The following TMEM260 variants were observed in gnomAD, a reference collection of about 807,000 sequenced individuals.
TMEM260 encodes the protein transmembrane protein 260, also known as protein O-mannosyl-transferase TMEM260.
In TMEM260, 82 loss-of-function variants were observed where a neutral mutation model predicts 88.9. The observed-to-expected ratio is 0.92, with a 90% CI of 0.77 to 1.11. The LOEUF is 1.11. TMEM260 is among the 50% of genes least tolerant of loss of function. TMEM260 has a pLI of 0.00. For synonymous variants in TMEM260, 314 were observed against 309.3 expected, an observed-to-expected ratio of 1.02 and a Z score of -0.16; for missense variants, 902 against 853.4, an observed-to-expected ratio of 1.06 and a Z score of -0.71.
chr14:56,653,741 C>CAAAAAAAAAAAAAAACAA (rs370392374), downstream of TMEM260, among the ~76,000 whole-genome samples: 3 of 97,912 alleles, frequency 3.1e-5, no homozygotes, highest in African/African-American at 1.2e-4. Flanking sequence ...GTCTCCAAAA[C>CAAAAAAAAAAAAAAACAA]AAAAAAAAAA....
chr14:56,637,082 C>G (rs923058844), intron 15 of TMEM260, among the ~76,000 whole-genome samples: 2 of 152,158 alleles, frequency 1.3e-5, no homozygotes, highest in African/African-American at 4.8e-5. Flanking sequence ...AGAGTGCAGG[C>G]CACCTCTGGA....
intron 3 of TMEM260, among the ~76,000 whole-genome samples, chr14:56,601,238 CCTTT>C (rs1886554477): frequency 6.6e-6 from 1 of 152,050 alleles, no homozygotes; most frequent in African/African-American, 2.4e-5. Context: ...CTTTAAGATG[CCTTT>C]CTGAGTGTAA....
chr14:56,624,682 A>G (rs762026188), intron 11 of TMEM260, among the ~76,000 whole-genome samples: 1 of 151,542 alleles, frequency 6.6e-6, no homozygotes, highest in Non-Finnish European at 1.5e-5. Flanking sequence ...TCTGGTGAGG[A>G]ACAGGCTCTC....
At chr14:56,652,395 G>A (rs899420766), downstream of TMEM260, among the ~76,000 whole-genome samples, 3 of 151,844 alleles carry the variant, frequency 2.0e-5, no homozygotes, top group East Asian at 1.9e-4. Flanking sequence ...CTACTTGAGA[G>A]GCTGAGGCAG....
chr14:56,656,411 C>A, the TMEM260 span, among the ~76,000 whole-genome samples: 1 of 151,922 alleles, frequency 6.6e-6, no homozygotes, highest in Non-Finnish European at 1.5e-5. Flanking sequence ...TATAGTGAGA[C>A]CTTATCTCAA....
intron 3 of TMEM260, among the ~76,000 whole-genome samples, chr14:56,598,921 A>C (rs1485004874): frequency 6.6e-6 from 1 of 152,198 alleles, no homozygotes; most frequent in Non-Finnish European, 1.5e-5. Context: ...GGATTTTGAG[A>C]AAAGCTTTTT....
chr14:56,582,298 T>C (rs755927048), intron 1 of TMEM260, among the ~76,000 whole-genome samples: 44 of 152,350 alleles, frequency 2.9e-4, no homozygotes, highest in Non-Finnish European at 5.1e-4. Flanking sequence ...AAAATTATTT[T>C]TTGTACCACT....
chr14:56,612,496 T>C, intron 7 of TMEM260: 1 of 566,978 alleles, frequency 1.8e-6, no homozygotes, highest in East Asian at 2.9e-5. Context: ...TAAAAATCCA[T>C]GGGTGCTCAA....
At chr14:56,592,199 T>G (rs944059398) in intron 3 of TMEM260, among the ~76,000 whole-genome samples, 4 of 152,174 alleles carry the variant, frequency 2.6e-5, no homozygotes, top group African/African-American at 9.7e-5. Flanking sequence ...GACAGTAAAT[T>G]TTTCTAAAAT....
At chr14:56,623,099 C>T (rs1254989761) in intron 11 of TMEM260, among the ~76,000 whole-genome samples, 2 of 152,130 alleles carry the variant, frequency 1.3e-5, no homozygotes, top group Non-Finnish European at 2.9e-5. Context: ...AATGATTTTT[C>T]CTCTCAGAGC....
chr14:56,640,793 A>C (rs143479897), intron 15 of TMEM260, among the ~76,000 whole-genome samples: 10 of 152,198 alleles, frequency 6.6e-5, no homozygotes, highest in African/African-American at 2.2e-4. Flanking sequence ...AATGCAGAGA[A>C]GTCCTTAAAG....
chr14:56,595,745 G>T (rs1486053033), intron 3 of TMEM260, among the ~76,000 whole-genome samples: 2 of 152,092 alleles, frequency 1.3e-5, no homozygotes, highest in Non-Finnish European at 2.9e-5. Context: ...CCTCAGCCTT[G>T]CAAAGTGCTG....
At chr14:56,658,845 C>T in the TMEM260 span, among the ~76,000 whole-genome samples, 1 of 152,124 alleles carries the variant, frequency 6.6e-6, no homozygotes, top group Non-Finnish European at 1.5e-5. Flanking sequence ...ATTCTCCTGC[C>T]TCAGCCTCCC....
chr14:56,631,622 CAAA>C (rs138991627), intron 12 of TMEM260, among the ~76,000 whole-genome samples: 4 of 116,808 alleles, frequency 3.4e-5, no homozygotes, highest in Admixed American at 8.0e-5. Context: ...GACTCTGTCT[CAAA>C]AAAAAAAAAA....
intron 1 of TMEM260, among the ~76,000 whole-genome samples, chr14:56,580,285 A>G (rs550183755): frequency 2.4e-4 from 37 of 152,220 alleles, no homozygotes; most frequent in Non-Finnish European, 5.0e-4. Flanking sequence ...GGTTTTCGAG[A>G]TGGGGCGTAT....
intron 3 of TMEM260, among the ~76,000 whole-genome samples, chr14:56,587,422 A>T (rs1408377856): frequency 6.6e-6 from 1 of 151,964 alleles, no homozygotes; most frequent in Non-Finnish European, 1.5e-5. Context: ...CGTAAATAAA[A>T]GTCTTAAAAA....
intron 3 of TMEM260, 130 bp downstream of exon 3, chr14:56,586,042 A>G: frequency 1.0e-6 from 1 of 977,994 alleles, no homozygotes. Flanking sequence ...CACTTTCTTA[A>G]TTTATAATAC....
rs762765529 is a variant in TMEM260, at chr14:56,647,430, A to T, written c.2057A>T (p.Asp686Val). The T allele has an allele frequency of 1.9e-6, 3 of 1,614,094 alleles. No individual in the cohort carries two copies. Among genetic ancestry groups the T allele is most frequent in the Non-Finnish European group, 2.5e-6 (3 of 1,180,050 alleles). ...GCACCGAATGACCCACAGCAAGCTG[A>T]TATTTTAGGTGCTCTAAAGCACCTA... The part of the protein sequence containing the change: ...QKAPNDPQQA[D>V]ILGALKHLRK... The change falls in exon 16 of 16, where the codon GAT becomes GTT. Residue 686 changes from aspartate to valine, a missense_variant. Asp to Val is a radical substitution (Grantham distance 152, BLOSUM62 -3). Coordinates refer to ENST00000261556, the MANE Select transcript of TMEM260 (RefSeq NM_017799.4).
intron 6 of TMEM260, among the ~76,000 whole-genome samples, chr14:56,611,054 C>T (rs977590901): frequency 6.6e-6 from 1 of 151,014 alleles, no homozygotes; most frequent in South Asian, 2.1e-4. Context: ...GCAACCTCCA[C>T]CTCCTGGGTT....
Sources: allele counts gnomAD v4.1 joint callset (sites outside exome capture counted in the v4.1 genomes callset), GRCh38; gene constraint gnomAD v4.1.1; transcripts MANE v1.5; gene names NCBI Gene and HGNC (gene_info 2026-07-23, HGNC 2026-07-21).